EFCC1: variants seen among roughly 807,000 people sequenced by gnomAD.
EFCC1 encodes the protein EF-hand and coiled-coil domain containing 1.
EFCC1 carries 50 observed loss-of-function variants against 52.1 expected under a neutral mutation model. That is an observed-to-expected ratio of 0.96 (90% CI 0.76 to 1.21). The LOEUF (loss-of-function observed/expected upper bound fraction) is 1.21, where lower values mean the gene tolerates loss of function less well. EFCC1 is among the 50% of genes most tolerant of loss of function. The pLI, the probability that EFCC1 is intolerant of heterozygous loss-of-function variation, is 0.00. For missense variants in EFCC1, 837 were observed against 867.3 expected, an observed-to-expected ratio of 0.97 and a Z score of 0.44; for synonymous variants, 399 against 396.5, an observed-to-expected ratio of 1.01 and a Z score of -0.08.
chr3:129,005,219 C>T (rs1401873732), intron 2 of EFCC1, among the ~76,000 whole-genome samples: 4 of 152,216 alleles, frequency 2.6e-5, no homozygotes, highest in East Asian at 1.9e-4. Context: ...GGAACAGATG[C>T]GTGGCAGCAG....
At chr3:129,030,572 T>A in intron 2 of EFCC1, 131 bp from the exon 3 acceptor site, 1 of 1,114,768 alleles carries the variant, frequency 9.0e-7, no homozygotes, top group Non-Finnish European at 1.2e-6. Context: ...TAGCACTTCC[T>A]CCTGGACTGT....
rs368781063 is a variant in EFCC1 at position 129,010,094 on chromosome 3, C to T, written c.980+6017C>T. ...CAGCGGGCATGGGAGTGGATGCTGTCCTCAAAACTGGAAGAAAGGGCGTAA... is the reference window on the plus strand; with the variant it reads ...CAGCGGGCATGGGAGTGGATGCTGTTCTCAAAACTGGAAGAAAGGGCGTAA... On this transcript the variant is annotated intron_variant, in intron 2 of 7. Transcript: ENST00000683648. This position sits in a 1 kb window ranked among gnomAD's most constrained non-coding sequence, Gnocchi z 4.3. 1.2e-4 allele frequency among the ~76,000 whole-genome samples: 19 copies of T among 152,338 alleles called. 1 individual carries two copies. Among genetic ancestry groups the T allele is most frequent in the Admixed American group, 4.6e-4 (7 of 15,300 alleles).
chr3:129,019,591 A>G (rs567873250), intron 2 of EFCC1, among the ~76,000 whole-genome samples: 1 of 152,296 alleles, frequency 6.6e-6, no homozygotes, highest in Admixed American at 6.5e-5. Context: ...TAAACTATTT[A>G]ACTTTTAATA....
At position 129,010,316 on chromosome 3, in the gene EFCC1, C is replaced by T. The variant is rs995040501; in HGVS notation, c.980+6239C>T. ...CTGAAGCCAAGGAGCAGCTGAGTCC[C>T]CTTGATGGGGCCTTCAGGACACCGG... On this transcript the variant is annotated intron_variant, in intron 2 of 7. Transcript: ENST00000683648. This position sits in a 1 kb window ranked among gnomAD's most constrained non-coding sequence, Gnocchi z 4.3. Among the ~76,000 whole-genome samples, 1 of 152,158 alleles carries T rather than the reference C, an allele frequency of 6.6e-6. No individual in the cohort carries two copies. The highest frequency in any genetic ancestry group is 1.5e-5 in the Non-Finnish European group (1 of 68,012).
chr3:129,017,480 G>A (rs1288549056), intron 2 of EFCC1, among the ~76,000 whole-genome samples: 1 of 152,230 alleles, frequency 6.6e-6, no homozygotes, highest in Non-Finnish European at 1.5e-5. Context: ...ACCCTTGGCC[G>A]GGTCTGGACC....
At chr3:129,004,627 A>C (rs1042358331) in intron 2 of EFCC1, among the ~76,000 whole-genome samples, 13 of 151,420 alleles carry the variant, frequency 8.6e-5, no homozygotes, top group Non-Finnish European at 1.6e-4. Context: ...GAATGTGCTC[A>C]TTCTTATTTG....
At chr3:129,031,986 G>A (rs915557069) in intron 3 of EFCC1, among the ~76,000 whole-genome samples, 1 of 152,176 alleles carries the variant, frequency 6.6e-6, no homozygotes, top group African/African-American at 2.4e-5. Context: ...GAAGAGGAGG[G>A]AGTGGGACTC....
Position 129,039,734 on chromosome 3 carries a change from C to A in EFCC1, c.1686C>A (p.Ala562=). ...PTHEGRPSPA[A]ILDALHQALA... is the part of the protein sequence containing the mutation. ...CAGAGGGAAGGCCCAGCCCTGCAGC[C>A]ATCCTGGATGCCCTGCACCAAGCCT... The change falls in exon 8 of 8, where the codon GCC becomes GCA. Residue 562 remains alanine (A), a synonymous_variant. Coordinates refer to ENST00000683648, the MANE Select transcript of EFCC1 (RefSeq NM_001377500.1). 1.2e-6 allele frequency: 2 copies of A among 1,608,048 alleles called. No individual in the cohort carries two copies. Among genetic ancestry groups the A allele is most frequent in the Non-Finnish European group, 1.7e-6 (2 of 1,176,082 alleles).
chr3:129,039,560 G>T (rs1576788449), intron 7 of EFCC1, 152 bp from the exon 8 acceptor site: 8 of 1,206,774 alleles, frequency 6.6e-6, no homozygotes, highest in African/African-American at 3.1e-5. Context: ...GGGTCCTCAG[G>T]GGGAGGTGGT....
rs189966034 is a variant in EFCC1, at chr3:129,029,982, C to T, written c.981-721C>T. Among the ~76,000 whole-genome samples the T allele has an allele frequency of 1.2e-3, 176 of 151,588 alleles. 1 individual carries two copies. The highest frequency in any genetic ancestry group is 3.9e-3 in the African/African-American group (162 of 41,282). Reference sequence around the variant, plus strand: ...GGCAGATTGCCTGAGCTCAGGAGTTCGAGACCAGCGGAAGCAACATGGCAA... The same window carrying T: ...GGCAGATTGCCTGAGCTCAGGAGTTTGAGACCAGCGGAAGCAACATGGCAA... On this transcript the variant is annotated intron_variant, in intron 2 of 7. Transcript: ENST00000683648.
chr3:129,019,764 CTTTT>C (rs760118112), intron 2 of EFCC1, among the ~76,000 whole-genome samples: 6 of 107,424 alleles, frequency 5.6e-5, no homozygotes, highest in African/African-American at 1.0e-4. Flanking sequence ...ATTAAATTTA[CTTTT>C]TTTTTTTTTT....
chr3:129,032,706 G>A (rs1946295403), intron 3 of EFCC1, 113 bp from the exon 4 acceptor site: 12 of 1,423,864 alleles, frequency 8.4e-6, no homozygotes, highest in East Asian at 2.5e-5. Flanking sequence ...TGTCTCAAGA[G>A]GGGACATGGC....
chr3:129,021,464 C>T (rs956467427), intron 2 of EFCC1, among the ~76,000 whole-genome samples: 4 of 152,160 alleles, frequency 2.6e-5, no homozygotes, highest in Non-Finnish European at 4.4e-5. Context: ...GTCCCAGCTA[C>T]TGGGGAGGCT....
At chr3:129,039,382 C>T (rs564646538) in intron 7 of EFCC1, among the ~76,000 whole-genome samples, 6 of 152,188 alleles carry the variant, frequency 3.9e-5, no homozygotes, top group East Asian at 1.9e-4. Context: ...GCAGCCAGGC[C>T]GAGCTCCTGC....
At position 129,003,234 on chromosome 3, in the gene EFCC1, C is replaced by G. The variant is rs56336586; in HGVS notation, c.697-560C>G. On this transcript the variant is annotated intron_variant, in intron 1 of 7. Transcript: ENST00000683648. ...TCCTCTGATGTGGAATCCCAAGTAACGTACTGGGAGCCATGGGATGCGCCT... is the reference window on the plus strand; with the variant it reads ...TCCTCTGATGTGGAATCCCAAGTAAGGTACTGGGAGCCATGGGATGCGCCT... The G allele has an allele frequency of 1.9e-3, 1,881 of 985,362 alleles. 4 individuals are homozygous for G. The highest frequency in any genetic ancestry group is 2.2e-3 in the Non-Finnish European group (1,833 of 829,880). 61.0% of individuals were successfully genotyped at this position (985,362 alleles called of 1,614,324 possible).
intron 2 of EFCC1, among the ~76,000 whole-genome samples, chr3:129,025,337 G>A (rs567070910): frequency 3.6e-4 from 55 of 152,268 alleles, no homozygotes; most frequent in Admixed American, 3.5e-3. Context: ...GGAGGCAGGA[G>A]GAATCCCAGA....
chr3:129,034,324 G>C lies in EFCC1; in HGVS notation c.1447G>C (p.Glu483Gln). 6.2e-7 allele frequency: 1 copy of C among 1,613,690 alleles called. No homozygotes were observed. Residue 483 changes from glutamate (E) to glutamine (Q), a missense_variant, in exon 5 of 8, where the codon GAG becomes CAG. Transcript: ENST00000683648. ...TGGGAGGACCCTGGGGACCTCTGAG[G>C]AGGAGGTCAGCAGAGCCTAGAGATC... Reference protein sequence around the residue: ...CGGRTLGTSEEEAELQQKVEE... With the variant: ...CGGRTLGTSEQEAELQQKVEE...
chr3:129,033,298 T>C (rs1157788624), intron 4 of EFCC1, among the ~76,000 whole-genome samples: 2 of 152,136 alleles, frequency 1.3e-5, no homozygotes, highest in African/African-American at 4.8e-5. Flanking sequence ...CACACACCAT[T>C]TCCACAGCTC....
intron 2 of EFCC1, among the ~76,000 whole-genome samples, chr3:129,028,923 G>C (rs1450851125): frequency 1.3e-5 from 2 of 152,208 alleles, no homozygotes; most frequent in Non-Finnish European, 2.9e-5. Context: ...TTACAGGCGT[G>C]AGCCACTGTG....
Sources: allele counts gnomAD v4.1 joint callset (sites outside exome capture counted in the v4.1 genomes callset), GRCh38; gene constraint gnomAD v4.1.1; non-coding constraint Gnocchi (gnomAD v3.1); transcripts MANE v1.5; gene names NCBI Gene and HGNC (gene_info 2026-07-23, HGNC 2026-07-21).